The following PKD1L3 variants were observed in gnomAD, a reference collection of about 807,000 sequenced individuals.
PKD1L3 encodes polycystin-1-like protein 3.
A neutral mutation model predicts 184.1 loss-of-function variants in PKD1L3; 239 were observed. The observed-to-expected ratio is 1.30, with a 90% CI of 1.17 to 1.45. The LOEUF is 1.45. Among genes scored for constraint, PKD1L3 ranks in the 40% most tolerant of loss-of-function variants. The probability of loss-of-function intolerance (pLI) is 0.00; values close to 1 mark genes in which losing one functional copy is unlikely to be tolerated. For missense variants in PKD1L3, 2,660 were observed against 2,067.2 expected, an observed-to-expected ratio of 1.29 and a Z score of -5.56; for synonymous variants, 996 against 778.8, an observed-to-expected ratio of 1.28 and a Z score of -4.64.
At position 71,950,302 on chromosome 16, in the gene PKD1L3, C is replaced by T. The variant is rs1392085738; in HGVS notation, c.3199G>A (p.Glu1067Lys). 4 of 1,518,900 alleles carry T rather than the reference C, an allele frequency of 2.6e-6. No homozygotes were observed. In the African/African-American group the frequency reaches 4.2e-5, roughly 16 times the overall value. The allele number at this position is 1,518,900 out of a possible 1,614,324, so 94.1% of individuals were successfully genotyped here. A position where few individuals can be genotyped will look rare whatever the true frequency, so the allele number is the denominator to read the frequency against. Residue 1067 changes from glutamate (E) to lysine (K), a missense_variant, in exon 20 of 30, where the codon GAA (glutamate) becomes AAA (lysine). Glu to Lys is a moderately conservative substitution (Grantham distance 56). Transcript: ENST00000620267. ...GERHWARVVP[E>K]NHHHFCCYLH... The stretch of plus-strand genomic sequence containing the variant: ...TAACAGCAGAAATGATGGTGGTTTT[C>T]AGGAACAACTGAAAATATATTTCAA...
rs570034025 is a variant in PKD1L3, at chr16:71,984,081, G to T, written c.921C>A (p.Leu307=). 119 of 1,552,230 alleles carry T rather than the reference G, an allele frequency of 7.7e-5. 1 individual carries two copies. In the Admixed American group the frequency reaches 2.3e-3, roughly 30 times the overall value. The change falls in exon 6 of 30, where the codon CTC becomes CTA. Residue 307 remains leucine (L), a synonymous_variant. Transcript: ENST00000620267. ...TTGGGGTTAAGGCTGTTAGTTTCTG[G>T]AGGAACTCACAAGCTTCCTGTAGTT... ...LNKLQEACEF[L]QKLTALTPRF...
At chr16:71,980,649 C>G (rs984765381) in intron 7 of PKD1L3, among the ~76,000 whole-genome samples, 19 of 152,200 alleles carry the variant, frequency 1.2e-4, no homozygotes, top group East Asian at 1.2e-3. Context: ...ACCTGGCCGA[C>G]ATTGTGAAAC....
At position 71,950,296 on chromosome 16, in the gene PKD1L3, G is replaced by T. The variant is rs1327632880; in HGVS notation, c.3205C>A (p.His1069Asn). 2 of 1,518,486 alleles carry T rather than the reference G, an allele frequency of 1.3e-6. No individual in the cohort carries two copies. The highest frequency in any genetic ancestry group is 2.5e-5 in the South Asian group (2 of 80,646). The allele number at this position is 1,518,486 out of a possible 1,614,324, so 94.1% of individuals were successfully genotyped here. The change falls in exon 20 of 30, where the codon CAC becomes AAC. Residue 1069 changes from histidine to asparagine, a missense_variant. Transcript: ENST00000620267. ...TGCAGGTAACAGCAGAAATGATGGT[G>T]GTTTTCAGGAACAACTGAAAATATA... ...RHWARVVPEN[H>N]HHFCCYLHRV...
rs145765893 is a variant in PKD1L3 at position 71,944,374 on chromosome 16, C to T, written c.3719-204G>A. On this transcript the variant is annotated intron_variant, in intron 22 of 29. Coordinates refer to ENST00000620267, the MANE Select transcript of PKD1L3 (RefSeq NM_181536.2). ...TCAATTGGGGACTGATACTTTTGTACAATACAGTAAAAATGAGTTACTAGG... is the reference window on the plus strand; with the variant it reads ...TCAATTGGGGACTGATACTTTTGTATAATACAGTAAAAATGAGTTACTAGG... Among the ~76,000 whole-genome samples, 119 of 152,200 alleles carry T rather than the reference C, an allele frequency of 7.8e-4. No homozygotes were observed. The East Asian group carries it at 0.02, about 26-fold the overall frequency.
At chr16:71,989,904 A>G (rs1394614461) in intron 4 of PKD1L3, among the ~76,000 whole-genome samples, 1 of 151,864 alleles carries the variant, frequency 6.6e-6, no homozygotes, top group Non-Finnish European at 1.5e-5. Context: ...GCAAAACTCC[A>G]TCTCTACTAA....
rs370990703 is a variant in PKD1L3 at position 71,998,377 on chromosome 16, C to T, written c.313G>A (p.Gly105Arg). Reference protein sequence around the residue: ...NKYPADVAANGPPKPLSCTYL... With the variant: ...NKYPADVAANRPPKPLSCTYL... ...GTGCAGCTGAGGGGCTTTGGGGGCC[C>T]GTTGGCTGCAACGTCTGCTGAGGGG... Residue 105 changes from glycine (G) to arginine (R), a missense_variant, in exon 2 of 30, where the codon GGG becomes AGG. By Grantham distance (125) the Gly-to-Arg change is moderately radical (BLOSUM62 -2). Transcript: ENST00000620267. The T allele has an allele frequency of 5.2e-5, 81 of 1,551,426 alleles. No homozygotes were observed. Among genetic ancestry groups the T allele is most frequent in the Non-Finnish European group, 6.6e-5 (76 of 1,146,988 alleles).
At chr16:71,942,044 G>C (rs770984567) in intron 24 of PKD1L3, among the ~76,000 whole-genome samples, 1 of 151,912 alleles carries the variant, frequency 6.6e-6, no homozygotes, top group Non-Finnish European at 1.5e-5. Context: ...GCTGGGCACG[G>C]TGGCTCATAC....
rs570578939 is a variant in PKD1L3, at chr16:71,930,064, T to A, written c.5046A>T (p.Arg1682Ser). 74 of 1,548,890 alleles carry A rather than the reference T, an allele frequency of 4.8e-5. No individual in the cohort carries two copies. Among genetic ancestry groups the A allele is most frequent in the African/African-American group, 1.6e-4 (12 of 72,944 alleles). ...TTTAGTTACCTACCTTAAGCGACTT[T>A]CTTTCTTTTCCAAAGGCCATGAGAA... ...SAILMAFGKE[R>S]KSLKKEAALI... is the part of the protein sequence containing the mutation. Residue 1682 changes from arginine (R) to serine (S), a missense_variant, in exon 29 of 30, where the codon AGA becomes AGT. Arg to Ser is a moderately radical substitution (Grantham distance 110). Coordinates refer to ENST00000620267, the MANE Select transcript of PKD1L3 (RefSeq NM_181536.2).
chr16:71,970,469 A>C (rs2039669708), intron 12 of PKD1L3, among the ~76,000 whole-genome samples: 1 of 152,354 alleles, frequency 6.6e-6, no homozygotes, highest in South Asian at 2.1e-4. Context: ...GAACAAGTAC[A>C]TAAGTAAGCA....
chr16:71,963,449 A>C, intron 15 of PKD1L3, 98 bp from the exon 16 acceptor site: 2 of 1,255,186 alleles, frequency 1.6e-6, no homozygotes, highest in Non-Finnish European at 2.1e-6. Flanking sequence ...TGTCCAAGTA[A>C]ATGAACTGTT....
At chr16:71,937,484 TTG>T (rs2038221161) in intron 24 of PKD1L3, 65 bp from the exon 25 acceptor site, 1 of 1,514,788 alleles carries the variant, frequency 6.6e-7, no homozygotes. Flanking sequence ...TTGTTAAACT[TTG>T]TCTTTGAATA....
Position 71,951,560 on chromosome 16 carries a change from T to C in PKD1L3, c.3190+4A>G. On this transcript the variant is annotated splice_donor_region_variant and intron_variant, in intron 19 of 29. Transcript: ENST00000620267. ...ATTCGTTACTGAAATCTACTGAAGT[T>C]TACCACGTGCCCAGTGGCGCTCTCC... The C allele has an allele frequency of 6.5e-7, 1 of 1,546,940 alleles. No homozygotes were observed. Among genetic ancestry groups the C allele is most frequent in the Non-Finnish European group, 8.7e-7 (1 of 1,144,980 alleles).
chr16:71,977,383 C>T lies in PKD1L3; in HGVS notation c.1612G>A (p.Val538Ile), dbSNP rs74863398. 3.2e-3 allele frequency: 4,928 copies of T among 1,551,238 alleles called. 28 individuals are homozygous for T. Among genetic ancestry groups the T allele is most frequent in the Middle Eastern group, 0.015 (87 of 5,992 alleles). The change falls in exon 11 of 30, where the codon GTC becomes ATC. Residue 538 changes from valine to isoleucine, a missense_variant. By Grantham distance (29) the Val-to-Ile change is conservative (BLOSUM62 3). Transcript: ENST00000620267. ...ATCAAGGATTTCTCCAAGGAAGTGACGTTCACTGTGATTGTAAGCTGATGT... is the reference window on the plus strand; with the variant it reads ...ATCAAGGATTTCTCCAAGGAAGTGATGTTCACTGTGATTGTAAGCTGATGT... ...STHQLTITVN[V>I]TSLEKSLIVS... is the part of the protein sequence containing the mutation.
intron 3 of PKD1L3, 100 bp from the exon 4 acceptor site, chr16:71,990,429 A>C: frequency 9.7e-7 from 1 of 1,027,308 alleles, no homozygotes; most frequent in Non-Finnish European, 1.4e-6. Flanking sequence ...AATAATGCAA[A>C]TTGTTTTACA....
At chr16:71,967,774 A>G (rs1450149751) in intron 14 of PKD1L3, 132 bp downstream of exon 14, 3 of 773,634 alleles carry the variant, frequency 3.9e-6, no homozygotes, top group Non-Finnish European at 6.1e-6. Context: ...CCACATGTAC[A>G]GTTTAGAACT....
At chr16:71,986,036 G>A (rs141267239) in intron 5 of PKD1L3, among the ~76,000 whole-genome samples, 185 bp downstream of exon 5, 34 of 152,314 alleles carry the variant, frequency 2.2e-4, no homozygotes, top group African/African-American at 7.9e-4. Flanking sequence ...TTAATGAAAC[G>A]TTGGGCTGTA....
intron 24 of PKD1L3, among the ~76,000 whole-genome samples, chr16:71,941,626 C>G (rs2038364563): frequency 6.9e-6 from 1 of 144,868 alleles, no homozygotes; most frequent in African/African-American, 2.6e-5. Context: ...GCTCTGTCAC[C>G]CAGGCTGGAG....
At chr16:71,972,790 T>C (rs141682953) in intron 12 of PKD1L3, among the ~76,000 whole-genome samples, 127 of 152,334 alleles carry the variant, frequency 8.3e-4, no homozygotes, top group Middle Eastern at 3.4e-3. Context: ...CCACATTCTT[T>C]GAGCAACCAA....
At chr16:71,935,821 G>A (rs757815356) in intron 25 of PKD1L3, among the ~76,000 whole-genome samples, 3 of 152,126 alleles carry the variant, frequency 2.0e-5, no homozygotes, top group African/African-American at 7.2e-5. Context: ...ACAGGGTCGC[G>A]CTCTGTTGCC....
Sources: gnomAD v4.1 joint callset for allele counts (sites outside exome capture counted in the v4.1 genomes callset) on GRCh38, gnomAD v4.1.1 for gene constraint, MANE v1.5 for transcripts, NCBI Gene and HGNC (gene_info 2026-07-23, HGNC 2026-07-21) for gene names.